The following CDH4 variants were observed in gnomAD, a reference collection of about 807,000 sequenced individuals.
CDH4 encodes the protein cadherin 4, also known as cadherin-4.
A neutral mutation model predicts 86.0 loss-of-function variants in CDH4; 33 were observed. That is an observed-to-expected ratio of 0.38 (90% CI 0.29 to 0.51). The LOEUF is 0.51. CDH4 is among the 20% of genes least tolerant of loss of function. CDH4 has a pLI of 0.86. For missense variants in CDH4, 1,114 were observed against 1,307.4 expected (o/e 0.85, Z 2.28); for synonymous variants, 555 against 549.4 (o/e 1.01, Z -0.14).
chr20:61,454,851 G>C (rs893575102), intron 2 of CDH4, among the ~76,000 whole-genome samples: 1 of 152,162 alleles, frequency 6.6e-6, no homozygotes, highest in African/African-American at 2.4e-5. Context: ...CCCACTACGG[G>C]GGGCAGTGGT....
At chr20:61,537,573 G>A (rs757767297) in intron 2 of CDH4, among the ~76,000 whole-genome samples, 19 of 152,264 alleles carry the variant, frequency 1.2e-4, no homozygotes, top group South Asian at 2.1e-4. Context: ...GAAGGAAATC[G>A]CCCTACCCCG....
intron 2 of CDH4, among the ~76,000 whole-genome samples, chr20:61,729,729 T>C (rs2088156033): frequency 6.6e-6 from 1 of 152,246 alleles, no homozygotes; most frequent in Admixed American, 6.5e-5. Context: ...GGCTGGCTTT[T>C]CTTAGACAGG....
At chr20:61,372,537 T>G (rs745374009) in intron 2 of CDH4, among the ~76,000 whole-genome samples, 6 of 152,276 alleles carry the variant, frequency 3.9e-5, no homozygotes, top group Non-Finnish European at 7.4e-5. Flanking sequence ...AAGGGTGACA[T>G]CCAGGAAAAG....
chr20:61,792,927 G>A (rs910640205), intron 4 of CDH4, among the ~76,000 whole-genome samples: 37 of 152,026 alleles, frequency 2.4e-4, no homozygotes, highest in African/African-American at 8.9e-4. Flanking sequence ...GGGATTATAG[G>A]CATGAGCCAC....
At chr20:61,509,094 C>A (rs576862616) in intron 2 of CDH4, among the ~76,000 whole-genome samples, 3 of 152,262 alleles carry the variant, frequency 2.0e-5, no homozygotes, top group South Asian at 4.1e-4. Context: ...AAACCCTACA[C>A]CCCTGCAGAT....
intron 2 of CDH4, among the ~76,000 whole-genome samples, chr20:61,304,266 C>T (rs1415850627): frequency 6.6e-6 from 1 of 151,648 alleles, no homozygotes; most frequent in African/African-American, 2.4e-5. Context: ...GGACGGCACC[C>T]CCCCAACCCC....
chr20:61,560,191 C>A (rs932194846), intron 2 of CDH4, among the ~76,000 whole-genome samples: 1 of 151,724 alleles, frequency 6.6e-6, no homozygotes, highest in African/African-American at 2.4e-5. Flanking sequence ...GACAGTGAAT[C>A]CCCCCACCTG....
chr20:61,664,194 C>T (rs2087295993), intron 2 of CDH4, among the ~76,000 whole-genome samples: 1 of 152,322 alleles, frequency 6.6e-6, no homozygotes, highest in African/African-American at 2.4e-5. Flanking sequence ...CTCTAGAATC[C>T]ACCCACTGGG....
intron 2 of CDH4, among the ~76,000 whole-genome samples, chr20:61,466,415 G>C (rs79601008): frequency 4.5e-4 from 69 of 152,296 alleles, no homozygotes; most frequent in Non-Finnish European, 9.4e-4. Context: ...CATAGCAGGT[G>C]CATCATATGA....
At chr20:61,844,594 T>A in intron 4 of CDH4, 74 bp from the exon 5 acceptor site, 1 of 1,420,406 alleles carries the variant, frequency 7.0e-7, no homozygotes, top group African/African-American at 1.4e-5. Context: ...TGAGAGGGGA[T>A]GAATGTCAGA....
intron 2 of CDH4, among the ~76,000 whole-genome samples, chr20:61,376,664 T>G (rs1458561341): frequency 6.6e-6 from 1 of 152,184 alleles, no homozygotes; most frequent in East Asian, 1.9e-4. Flanking sequence ...GGCATATGGT[T>G]GGAGTGGTTC....
At chr20:61,318,408 T>G (rs73134481) in intron 2 of CDH4, among the ~76,000 whole-genome samples, 387 of 151,774 alleles carry the variant, frequency 2.5e-3, no homozygotes, top group Non-Finnish European at 4.2e-3. Context: ...TTCAAAAACC[T>G]AAGCGTGTGA....
Position 61,704,791 on chromosome 20 carries a change from C to G in CDH4, c.170-38772C>G, listed in dbSNP as rs1344096474. On this transcript the variant is annotated intron_variant, in intron 2 of 15. Coordinates refer to ENST00000614565, the MANE Select transcript of CDH4 (RefSeq NM_001794.5). ...TGGGGTGGCGCCGCTCTGGGCACCA[C>G]AGGCATTTAGCAGCATCTCTGGCAT... Among the ~76,000 whole-genome samples, 3 of 152,304 alleles carry G rather than the reference C, an allele frequency of 2.0e-5. No homozygotes were observed. The South Asian group carries it at 6.2e-4, about 32-fold the overall frequency.
chr20:61,836,093 T>G (rs1364787547), intron 4 of CDH4, among the ~76,000 whole-genome samples: 1 of 152,244 alleles, frequency 6.6e-6, no homozygotes, highest in Admixed American at 6.5e-5. Flanking sequence ...GACTCATTCT[T>G]GACTCCAGGT....
intron 8 of CDH4, among the ~76,000 whole-genome samples, chr20:61,907,045 T>TC: frequency 6.6e-6 from 1 of 151,380 alleles, no homozygotes; most frequent in East Asian, 2.0e-4. Context: ...TCTGCAAAGC[T>TC]CCCCCAACCC....
intron 4 of CDH4, among the ~76,000 whole-genome samples, chr20:61,818,857 G>A (rs1293420477): frequency 6.6e-6 from 1 of 151,902 alleles, no homozygotes; most frequent in Non-Finnish European, 1.5e-5. Flanking sequence ...CACCCCACCC[G>A]GCAGTCCAAG....
chr20:61,339,062 C>CA lies in CDH4; in HGVS notation c.169+84125_169+84126insA, dbSNP rs1568804475. 4.3e-3 allele frequency among the ~76,000 whole-genome samples: 654 copies of CA among 151,556 alleles called. 8 individuals are homozygous for CA. Among genetic ancestry groups the CA allele is most frequent in the African/African-American group, 0.015 (611 of 41,270 alleles). On this transcript the variant is annotated intron_variant, in intron 2 of 15. Coordinates refer to ENST00000614565, the MANE Select transcript of CDH4 (RefSeq NM_001794.5). ...AAGCCACACATACACACGCACACAC[C>CA]CCCCATATATTCATGTTCTCATGGA... is the stretch of plus-strand genomic sequence containing the variant.
intron 2 of CDH4, among the ~76,000 whole-genome samples, chr20:61,438,411 G>A (rs1300121907): frequency 1.3e-5 from 2 of 152,146 alleles, no homozygotes; most frequent in African/African-American, 4.8e-5. Context: ...TTTATAGTGT[G>A]TGTTTTGTTC....
At chr20:61,432,698 A>G (rs1350987236) in intron 2 of CDH4, among the ~76,000 whole-genome samples, 1 of 152,178 alleles carries the variant, frequency 6.6e-6, no homozygotes, top group Non-Finnish European at 1.5e-5. Context: ...AGAAACCAGC[A>G]TATCAAGTTT....
Sources: allele counts gnomAD v4.1 joint callset (sites outside exome capture counted in the v4.1 genomes callset), GRCh38; gene constraint gnomAD v4.1.1; transcripts MANE v1.5; gene names NCBI Gene and HGNC (gene_info 2026-07-23, HGNC 2026-07-21).